GALNT13: variants seen among roughly 807,000 people sequenced by gnomAD.
GALNT13 encodes UDP-GalNAc:polypeptide N-acetylgalactosaminyltransferase 13.
In GALNT13, 28 loss-of-function variants were observed where a neutral mutation model predicts 64.2. That is an observed-to-expected ratio of 0.44 (90% CI 0.32 to 0.60). The LOEUF (loss-of-function observed/expected upper bound fraction) is 0.60, where lower values mean the gene tolerates loss of function less well. GALNT13 is among the 20% of genes least tolerant of loss of function. The pLI is 0.05. For missense variants in GALNT13, 577 were observed against 669.8 expected (o/e 0.86, Z 1.53); for synonymous variants, 214 against 224.6 (o/e 0.95, Z 0.42).
the GALNT13 span, among the ~76,000 whole-genome samples, chr2:153,798,650 C>T: frequency 2.6e-5 from 4 of 152,042 alleles, no homozygotes; most frequent in African/African-American, 9.7e-5. Context: ...AGAAAAACTC[C>T]CGTGAAGAAC....
At position 154,077,266 on chromosome 2, in the gene GALNT13, G is replaced by A. The variant is rs74692893; in HGVS notation, c.143-63071G>A. 7.9e-4 allele frequency among the ~76,000 whole-genome samples: 120 copies of A among 151,534 alleles called. 3 individuals carry two copies. The East Asian group carries it at 0.021, about 26-fold the overall frequency. The stretch of plus-strand genomic sequence containing the variant: ...GGAACTTTTAGGGGAGTTTTGATTT[G>A]CAAGTTTTTATAGGTTTACCAGACT... On this transcript the variant is annotated intron_variant, in intron 3 of 12. Coordinates refer to ENST00000392825, the MANE Select transcript of GALNT13 (RefSeq NM_052917.4).
At chr2:153,739,692 T>A in the GALNT13 span, among the ~76,000 whole-genome samples, 2 of 150,456 alleles carry the variant, frequency 1.3e-5, no homozygotes, top group Non-Finnish European at 3.0e-5. Context: ...AATTGATTTA[T>A]CAATGTTATC....
At chr2:153,873,928 T>C (rs1686172820) in intron 1 of GALNT13, among the ~76,000 whole-genome samples, 1 of 152,100 alleles carries the variant, frequency 6.6e-6, no homozygotes, top group South Asian at 2.1e-4. Flanking sequence ...AGAAACCTGC[T>C]GGTTCGAGAA....
the GALNT13 span, among the ~76,000 whole-genome samples, chr2:153,090,379 T>C: frequency 6.6e-6 from 1 of 152,036 alleles, no homozygotes; most frequent in African/African-American, 2.4e-5. Flanking sequence ...TCTGTGAGAG[T>C]CCTTGGTTTT....
intron 2 of GALNT13, among the ~76,000 whole-genome samples, chr2:153,919,942 G>C (rs1379689541): frequency 6.7e-6 from 1 of 148,234 alleles, no homozygotes; most frequent in Non-Finnish European, 1.5e-5. Context: ...GGTTGGACTT[G>C]AATCAACATT....
the GALNT13 span, among the ~76,000 whole-genome samples, chr2:153,615,263 CGTAA>C: frequency 2.0e-5 from 3 of 152,036 alleles, no homozygotes; most frequent in African/African-American, 4.8e-5. Context: ...TTTCTTAATC[CGTAA>C]GTGTCTATTA....
intron 8 of GALNT13, among the ~76,000 whole-genome samples, chr2:154,296,116 T>G (rs1168242782): frequency 1.3e-5 from 2 of 152,208 alleles, no homozygotes; most frequent in African/African-American, 2.4e-5. Flanking sequence ...GCTCATTCTT[T>G]CTTTTCTATG....
At chr2:154,080,885 C>T (rs1164214178) in intron 3 of GALNT13, among the ~76,000 whole-genome samples, 15 of 151,550 alleles carry the variant, frequency 9.9e-5, no homozygotes, top group Non-Finnish European at 2.1e-4. Flanking sequence ...GATCCTTAAA[C>T]ATGTTATCCA....
At chr2:153,078,888 A>G in the GALNT13 span, among the ~76,000 whole-genome samples, 1 of 151,620 alleles carries the variant, frequency 6.6e-6, no homozygotes, top group East Asian at 1.9e-4. Flanking sequence ...ATTGTATTAG[A>G]CTCCTGGGAA....
the GALNT13 span, among the ~76,000 whole-genome samples, chr2:153,343,129 T>C: frequency 6.6e-6 from 1 of 152,196 alleles, no homozygotes; most frequent in Admixed American, 6.5e-5. Flanking sequence ...TGAATGACTT[T>C]AGGTCTTGTT....
intron 10 of GALNT13, among the ~76,000 whole-genome samples, chr2:154,396,782 A>G (rs1699074463): frequency 6.6e-6 from 1 of 152,058 alleles, no homozygotes; most frequent in Middle Eastern, 3.2e-3. Flanking sequence ...TCTTGGTACT[A>G]TAACAAAAGT....
chr2:153,855,945 CATT>C, the GALNT13 span, among the ~76,000 whole-genome samples: 1 of 152,086 alleles, frequency 6.6e-6, no homozygotes, highest in African/African-American at 2.4e-5. Context: ...ACCTTGAAAA[CATT>C]ATATTAAAGA....
intron 4 of GALNT13, among the ~76,000 whole-genome samples, chr2:154,153,934 C>G (rs553594061): frequency 1.3e-5 from 2 of 152,308 alleles, no homozygotes; most frequent in South Asian, 4.1e-4. Flanking sequence ...ATGCGCTGCA[C>G]CCACTGTCCT....
At chr2:153,508,800 C>T in the GALNT13 span, among the ~76,000 whole-genome samples, 8,406 of 152,182 alleles carry the variant, frequency 0.055, 764 homozygotes, top group African/African-American at 0.19. Context: ...TGTGAGTCTC[C>T]GCAGGCTGCT....
chr2:153,292,961 A>G, the GALNT13 span, among the ~76,000 whole-genome samples: 1 of 152,102 alleles, frequency 6.6e-6, no homozygotes, highest in Non-Finnish European at 1.5e-5. Flanking sequence ...GGTGAAGTAG[A>G]TGGAGTTTAT....
the GALNT13 span, among the ~76,000 whole-genome samples, chr2:153,517,610 A>G: frequency 6.6e-6 from 1 of 152,158 alleles, no homozygotes; most frequent in Non-Finnish European, 1.5e-5. Flanking sequence ...GCAAATTTCC[A>G]TGAGTCCTTA....
the GALNT13 span, among the ~76,000 whole-genome samples, chr2:153,255,951 T>C: frequency 1.3e-5 from 2 of 152,096 alleles, no homozygotes; most frequent in African/African-American, 4.8e-5. Flanking sequence ...TGTCTTGGAG[T>C]TGCTCTTCTC....
chr2:154,342,560 A>G (rs1187967042), intron 9 of GALNT13, among the ~76,000 whole-genome samples: 1 of 151,990 alleles, frequency 6.6e-6, no homozygotes, highest in Non-Finnish European at 1.5e-5. Context: ...TAAGTATATT[A>G]TATCAAAATT....
At chr2:154,379,023 C>A (rs554426336) in intron 9 of GALNT13, among the ~76,000 whole-genome samples, 1 of 151,868 alleles carries the variant, frequency 6.6e-6, no homozygotes, top group Non-Finnish European at 1.5e-5. Flanking sequence ...TAAAATGAAA[C>A]CATAATAACG....
Sources: allele counts gnomAD v4.1 joint callset (sites outside exome capture counted in the v4.1 genomes callset), GRCh38; gene constraint gnomAD v4.1.1; transcripts MANE v1.5; gene names NCBI Gene and HGNC (gene_info 2026-07-23, HGNC 2026-07-21).